The following DENND5B variants were observed in gnomAD, a reference collection of about 807,000 sequenced individuals.
DENND5B encodes the protein DENN domain-containing protein 5B.
DENND5B carries 34 observed loss-of-function variants against 140.6 expected under a neutral mutation model. The observed-to-expected ratio is 0.24, with a 90% confidence interval of 0.18 to 0.32. DENND5B has a LOEUF of 0.32. Among genes scored for constraint, DENND5B ranks in the 10% least tolerant of loss-of-function variants. DENND5B has a pLI of 1.00. For synonymous variants in DENND5B, 551 were observed against 562.1 expected (o/e 0.98, Z 0.28); for missense variants, 1,142 against 1,560.2 (o/e 0.73, Z 4.52).
chr12:31,441,052 T>G (rs1029724274), intron 7 of DENND5B, among the ~76,000 whole-genome samples: 2 of 151,466 alleles, frequency 1.3e-5, no homozygotes, highest in Admixed American at 6.6e-5. Context: ...AAAAAAAAAT[T>G]TTTGTAGGGG....
intron 11 of DENND5B, 142 bp from the exon 12 acceptor site, chr12:31,415,590 T>A: frequency 1.6e-6 from 1 of 620,102 alleles, no homozygotes; most frequent in Non-Finnish European, 2.6e-6. Flanking sequence ...AAACAAATTT[T>A]AAAGAAAATA....
chr12:31,543,006 T>G (rs1010106742), intron 1 of DENND5B, among the ~76,000 whole-genome samples: 3 of 152,040 alleles, frequency 2.0e-5, no homozygotes, highest in Non-Finnish European at 4.4e-5. Flanking sequence ...CAAAAAAGGT[T>G]TTTTTGGTAG....
intron 1 of DENND5B, among the ~76,000 whole-genome samples, chr12:31,498,972 C>CAAAA (rs369875785): frequency 2.4e-4 from 24 of 100,408 alleles, no homozygotes; most frequent in African/African-American, 5.6e-4. Context: ...GGCTCCGTCT[C>CAAAA]AAAAAAAAAA....
At chr12:31,474,088 A>T (rs889737622) in intron 3 of DENND5B, among the ~76,000 whole-genome samples, 1 of 152,224 alleles carries the variant, frequency 6.6e-6, no homozygotes, top group African/African-American at 2.4e-5. Context: ...GAAAACTTTA[A>T]GTAGCTTCCA....
At chr12:31,455,298 A>G (rs1020745652) in intron 4 of DENND5B, among the ~76,000 whole-genome samples, 3 of 152,182 alleles carry the variant, frequency 2.0e-5, no homozygotes, top group Non-Finnish European at 4.4e-5. Context: ...CTGAAATTTT[A>G]AAGCTTATTA....
chr12:31,532,511 G>C (rs1256903755), intron 1 of DENND5B, among the ~76,000 whole-genome samples: 2 of 152,160 alleles, frequency 1.3e-5, no homozygotes, highest in Non-Finnish European at 2.9e-5. Context: ...GATCATTCTG[G>C]CTTCACTATG....
intron 2 of DENND5B, among the ~76,000 whole-genome samples, chr12:31,481,543 G>C (rs1002598438): frequency 6.6e-6 from 1 of 152,192 alleles, no homozygotes; most frequent in Non-Finnish European, 1.5e-5. Flanking sequence ...AAAAAATGAA[G>C]CCCAACTGAA....
chr12:31,489,811 G>T (rs539084579), intron 2 of DENND5B, among the ~76,000 whole-genome samples: 1 of 152,178 alleles, frequency 6.6e-6, no homozygotes, highest in African/African-American at 2.4e-5. Context: ...ACGGTGGAAG[G>T]TGATGGTCAG....
intron 1 of DENND5B, among the ~76,000 whole-genome samples, chr12:31,574,292 A>ATTATTATTATT (rs1565710034): frequency 5.2e-4 from 70 of 135,288 alleles, no homozygotes; most frequent in African/African-American, 2.0e-3. Flanking sequence ...TAATAATAAT[A>ATTATTATTATT]ATAATTTAAA....
chr12:31,489,877 C>T (rs1331756491), intron 2 of DENND5B, among the ~76,000 whole-genome samples: 1 of 152,118 alleles, frequency 6.6e-6, no homozygotes, highest in Non-Finnish European at 1.5e-5. Context: ...AGTAAGAATT[C>T]ACTAGGTGAA....
At chr12:31,578,781 G>T (rs1950109118) in intron 1 of DENND5B, among the ~76,000 whole-genome samples, 1 of 152,198 alleles carries the variant, frequency 6.6e-6, no homozygotes. Context: ...GGGGCAGCAG[G>T]GCGTAGGAAA....
intron 3 of DENND5B, among the ~76,000 whole-genome samples, chr12:31,476,209 G>C (rs1408949295): frequency 6.6e-6 from 1 of 150,414 alleles, no homozygotes; most frequent in East Asian, 1.9e-4. Context: ...TCTAAAAAAA[G>C]CATGGTATAC....
rs1430878541 is a variant in DENND5B at position 31,399,716 on chromosome 12, C to T, written c.3006G>A (p.Leu1002=). 3.1e-6 allele frequency: 5 copies of T among 1,613,930 alleles called. No individual in the cohort carries two copies. The East Asian group carries it at 6.7e-5, about 22-fold the overall frequency. The change falls in exon 16 of 21, where the codon CTG becomes CTA. Residue 1002 remains leucine, a synonymous_variant. Coordinates refer to ENST00000389082, the MANE Select transcript of DENND5B (RefSeq NM_144973.4). ...TVQIGHDNSG[L]LAKWLVDCVM... is the part of the protein sequence containing the mutation. ...CACAATCCACTAGCCATTTGGCTAACAGTCCTGAGTTATCGTGACCAATCT... is the reference window on the plus strand; with the variant it reads ...CACAATCCACTAGCCATTTGGCTAATAGTCCTGAGTTATCGTGACCAATCT...
At chr12:31,545,160 C>G (rs1483289662) in intron 1 of DENND5B, among the ~76,000 whole-genome samples, 1 of 152,120 alleles carries the variant, frequency 6.6e-6, no homozygotes, top group Non-Finnish European at 1.5e-5. Context: ...TCCAAAAAAA[C>G]TAAAAAATTC....
chr12:31,402,757 A>G (rs1941872675), intron 14 of DENND5B, 114 bp from the exon 15 acceptor site: 1 of 1,231,442 alleles, frequency 8.1e-7, no homozygotes, highest in Non-Finnish European at 1.1e-6. Context: ...TTTATGAGCT[A>G]TCAAGATGTA....
Position 31,385,275 on chromosome 12 carries a change from A to G in DENND5B, c.*2328T>C, listed in dbSNP as rs1940801582. The G allele has an allele frequency of 6.6e-6, 1 of 152,230 alleles. No homozygotes were observed. Among genetic ancestry groups the G allele is most frequent in the African/African-American group, 2.4e-5 (1 of 41,462 alleles). 9.4% of individuals were successfully genotyped at this position (152,230 alleles called of 1,614,324 possible). ...AGTCTCATGCAGCCTGGTGAAATAA[A>G]ACAAACAAACAAACATGAATTCTAG... is the stretch of plus-strand genomic sequence containing the variant. On this transcript the variant is annotated 3_prime_UTR_variant, in exon 21 of 21. Transcript: ENST00000389082.
intron 1 of DENND5B, among the ~76,000 whole-genome samples, chr12:31,588,257 C>A (rs1461069981): frequency 6.6e-6 from 1 of 152,164 alleles, no homozygotes; most frequent in Non-Finnish European, 1.5e-5. Context: ...AAATGTCACC[C>A]TCCCTGTGAG....
chr12:31,388,563 T>A (rs1940965391), intron 20 of DENND5B, among the ~76,000 whole-genome samples: 1 of 152,050 alleles, frequency 6.6e-6, no homozygotes. Flanking sequence ...TTATTGAGCA[T>A]CCCCAATCAG....
intron 1 of DENND5B, among the ~76,000 whole-genome samples, chr12:31,581,129 A>C (rs1479754696): frequency 1.3e-5 from 2 of 152,112 alleles, no homozygotes; most frequent in African/African-American, 2.4e-5. Flanking sequence ...TAAACAAATA[A>C]ATGTAATATT....
Sources: gnomAD v4.1 joint callset for allele counts (sites outside exome capture counted in the v4.1 genomes callset) on GRCh38, gnomAD v4.1.1 for gene constraint, MANE v1.5 for transcripts, NCBI Gene and HGNC (gene_info 2026-07-23, HGNC 2026-07-21) for gene names.